FAM222B: variants seen among roughly 807,000 people sequenced by gnomAD.
FAM222B encodes the protein family with sequence similarity 222 member B, also known as protein FAM222B.
Under a neutral mutation model 38.0 loss-of-function variants are expected in FAM222B, and 12 were observed. The observed-to-expected ratio is 0.32, with a 90% CI of 0.20 to 0.51. FAM222B has a LOEUF of 0.51. FAM222B is among the 20% of genes least tolerant of loss of function. The pLI is 0.97. For synonymous variants in FAM222B, 329 were observed against 317.2 expected, an observed-to-expected ratio of 1.04 and a Z score of -0.40; for missense variants, 716 against 754.2, an observed-to-expected ratio of 0.95 and a Z score of 0.59.
At position 28,758,960 on chromosome 17, in the gene FAM222B, G is replaced by A; in HGVS notation, c.999C>T (p.Ala333=). Residue 333 remains alanine (A), a synonymous_variant, in exon 3 of 3, where the codon GCC becomes GCT. Transcript: ENST00000581407. The part of the protein sequence containing the change: ...VVNPMEHTHA[A]TAALPAAGPV... ...GACCTGCAGCAGGCAACGCGGCGGT[G>A]GCCGCGTGGGTGTGCTCCATGGGAT... 6 of 1,610,844 alleles carry A rather than the reference G, an allele frequency of 3.7e-6. No homozygotes were observed. The highest frequency in any genetic ancestry group is 5.1e-6 in the Non-Finnish European group (6 of 1,178,688).
At position 28,851,940 on chromosome 17, in the gene FAM222B, T is replaced by C. The variant is rs548022695; in HGVS notation, c.-41+3010A>G. Among the ~76,000 whole-genome samples the C allele has an allele frequency of 7.3e-5, 11 of 151,044 alleles. No homozygotes were observed. The East Asian group carries it at 1.8e-3, about 24-fold the overall frequency. ...GGTCAGGCACATCTGTAGTCCCAGC[T>C]ACCTGGGAGGCTAAAATGGGGGAAT... On this transcript the variant is annotated intron_variant, in intron 1 of 2. Coordinates refer to the FAM222B transcript ENST00000577513.
At chr17:28,807,359 C>T (rs370686272) in intron 1 of FAM222B, among the ~76,000 whole-genome samples, 2 of 151,568 alleles carry the variant, frequency 1.3e-5, no homozygotes, top group African/African-American at 4.8e-5. Flanking sequence ...GCTGAAGAAA[C>T]GCTTGTTTTT....
chr17:28,806,019 G>A (rs2037481444), intron 1 of FAM222B, among the ~76,000 whole-genome samples: 1 of 152,052 alleles, frequency 6.6e-6, no homozygotes, highest in African/African-American at 2.4e-5. Context: ...GCATGTGGTG[G>A]CACATTCCTA....
At chr17:28,770,854 CCA>C (rs2035595044) in intron 1 of FAM222B, among the ~76,000 whole-genome samples, 1 of 152,072 alleles carries the variant, frequency 6.6e-6, no homozygotes, top group Admixed American at 6.5e-5. Context: ...ACGGCGTGAA[CCA>C]CAGTGTTGGG....
intron 1 of FAM222B, among the ~76,000 whole-genome samples, chr17:28,818,089 A>C (rs892574019): frequency 1.3e-5 from 2 of 152,014 alleles, no homozygotes; most frequent in African/African-American, 4.8e-5. Flanking sequence ...GGTGGGGTGT[A>C]GGGGGTGGTT....
At chr17:28,823,639 C>T (rs1231603927) in intron 1 of FAM222B, among the ~76,000 whole-genome samples, 1 of 152,190 alleles carries the variant, frequency 6.6e-6, no homozygotes, top group East Asian at 1.9e-4. Flanking sequence ...CCTTCTAAAA[C>T]ATCACTTTCT....
At chr17:28,824,353 T>C (rs890663002) in intron 1 of FAM222B, among the ~76,000 whole-genome samples, 2 of 143,250 alleles carry the variant, frequency 1.4e-5, no homozygotes, top group African/African-American at 5.1e-5. Context: ...CCTGGCTAAT[T>C]TTCTTATTTT....
intron 1 of FAM222B, among the ~76,000 whole-genome samples, chr17:28,826,246 T>G (rs2038435855): frequency 6.6e-6 from 1 of 151,524 alleles, no homozygotes; most frequent in Admixed American, 6.6e-5. Context: ...TTTTTGGTAT[T>G]TTTAGTAGAG....
chr17:28,842,488 C>T (rs893413027), intron 1 of FAM222B, among the ~76,000 whole-genome samples, 194 bp downstream of exon 1: 4 of 152,186 alleles, frequency 2.6e-5, no homozygotes, highest in African/African-American at 9.7e-5. Flanking sequence ...CCGTCCCCCT[C>T]CACCAAGCTG....
chr17:28,853,941 C>CTTTTTTT (rs34393247), intron 1 of FAM222B, among the ~76,000 whole-genome samples: 7 of 119,972 alleles, frequency 5.8e-5, no homozygotes, highest in East Asian at 2.5e-4. Flanking sequence ...ATCTCTGTTT[C>CTTTTTTT]TTTTTTTTTT....
At chr17:28,771,965 G>A (rs2035654117) in intron 1 of FAM222B, among the ~76,000 whole-genome samples, 1 of 152,154 alleles carries the variant, frequency 6.6e-6, no homozygotes, top group South Asian at 2.1e-4. Context: ...TCTGAGGCAG[G>A]AGAATGGCAT....
At chr17:28,761,506 T>A (rs1264968145) in intron 2 of FAM222B, among the ~76,000 whole-genome samples, 3 of 152,206 alleles carry the variant, frequency 2.0e-5, no homozygotes, top group Admixed American at 6.5e-5. Context: ...TGGCCTCAGG[T>A]GGCCTTGGCC....
chr17:28,764,758 T>TA (rs112083859), intron 2 of FAM222B, among the ~76,000 whole-genome samples: 27 of 148,846 alleles, frequency 1.8e-4, no homozygotes, highest in East Asian at 5.9e-4. Flanking sequence ...AAAAAATAAT[T>TA]AAAAAAAAAA....
At position 28,803,276 on chromosome 17, in the gene FAM222B, G is replaced by A. The variant is rs180963774; in HGVS notation, c.-40-36569C>T. Among the ~76,000 whole-genome samples, 308 of 152,140 alleles carry A rather than the reference G, an allele frequency of 2.0e-3. 6 individuals carry two copies. The highest frequency in any genetic ancestry group is 0.016 in the Admixed American group (250 of 15,272). On this transcript the variant is annotated intron_variant, in intron 1 of 2. Coordinates refer to ENST00000581407, the MANE Select transcript of FAM222B (RefSeq NM_001077498.3). The stretch of plus-strand genomic sequence containing the variant: ...GCCCACCTTGGCCTCCCAAAGTGTG[G>A]AGATTACAGGCATGAGCCACCGTAC...
intron 1 of FAM222B, among the ~76,000 whole-genome samples, chr17:28,769,786 G>A (rs1008253529): frequency 6.6e-6 from 1 of 152,132 alleles, no homozygotes; most frequent in African/African-American, 2.4e-5. Flanking sequence ...GTCTCACCAT[G>A]GTTTCCCTGC....
intron 1 of FAM222B, among the ~76,000 whole-genome samples, chr17:28,794,614 T>A (rs1248955741): frequency 6.6e-6 from 1 of 152,182 alleles, no homozygotes; most frequent in East Asian, 1.9e-4. Context: ...ATTTTAAAAA[T>A]ATTTTGCTTG....
intron 1 of FAM222B, among the ~76,000 whole-genome samples, chr17:28,842,124 G>A (rs891341234): frequency 1.3e-5 from 2 of 152,132 alleles, no homozygotes; most frequent in African/African-American, 4.8e-5. Context: ...TCTTCCTGGT[G>A]TTCAGAAAGG....
rs918426065 is a variant in FAM222B at position 28,803,722 on chromosome 17, G to A, written c.-40-37015C>T. On this transcript the variant is annotated intron_variant, in intron 1 of 2. Transcript: ENST00000581407. ...CAGCCAGGTGCGGTGGCTCACGCCT[G>A]TAATCCCAGCACTTTGGGAGGCCGA... 3.3e-5 allele frequency among the ~76,000 whole-genome samples: 5 copies of A among 152,172 alleles called. No homozygotes were observed. In the South Asian group the frequency reaches 1.0e-3, roughly 32 times the overall value.
At position 28,777,726 on chromosome 17, in the gene FAM222B, G is replaced by T. The variant is rs2035957040; in HGVS notation, c.-40-11019C>A. Among the ~76,000 whole-genome samples, 8 of 152,184 alleles carry T rather than the reference G, an allele frequency of 5.3e-5. No individual in the cohort carries two copies. In the South Asian group the frequency reaches 1.7e-3, roughly 32 times the overall value. ...AACAACTGTGTGTGTATGTGTGTGTGTACAGGTAACTTTACTAGGGGAGTG... is the reference window on the plus strand; with the variant it reads ...AACAACTGTGTGTGTATGTGTGTGTTTACAGGTAACTTTACTAGGGGAGTG... On this transcript the variant is annotated intron_variant, in intron 1 of 2. Transcript: ENST00000581407.
Sources: gnomAD v4.1 joint callset for allele counts (sites outside exome capture counted in the v4.1 genomes callset) on GRCh38, gnomAD v4.1.1 for gene constraint, MANE v1.5 for transcripts, NCBI Gene and HGNC (gene_info 2026-07-23, HGNC 2026-07-21) for gene names.